Variants in CSMD3 observed in about 807,000 individuals in gnomAD.
CSMD3 encodes CUB and sushi domain-containing protein 3.
Under a neutral mutation model 435.2 loss-of-function variants are expected in CSMD3, and 177 were observed. The observed-to-expected ratio is 0.41, with a 90% CI of 0.36 to 0.46. CSMD3 has a LOEUF of 0.46. CSMD3 is among the 20% of genes least tolerant of loss of function. The probability of loss-of-function intolerance (pLI) is 0.34; values close to 1 mark genes in which losing one functional copy is unlikely to be tolerated. For synonymous variants in CSMD3, 1,656 were observed against 1,520.5 expected (o/e 1.09, Z -2.07); for missense variants, 4,265 against 4,504.6 (o/e 0.95, Z 1.52).
chr8:112,231,572 A>T lies in CSMD3; in HGVS notation c.10801T>A (p.Tyr3601Asn). The T allele has an allele frequency of 6.2e-7, 1 of 1,611,316 alleles. No individual in the cohort carries two copies. ...VFQGFIQGKDYGQFGLQRLGL... is the reference protein window; with the variant it reads ...VFQGFIQGKDNGQFGLQRLGL... ...AGTCTTTGTAGGCCAAATTGTCCATAATCTTTGCCTTGAATAAATCCTTGA... is the reference window on the plus strand; with the variant it reads ...AGTCTTTGTAGGCCAAATTGTCCATTATCTTTGCCTTGAATAAATCCTTGA... The change falls in exon 69 of 71, where the codon TAT becomes AAT. Residue 3601 changes from tyrosine to asparagine, a missense_variant. This residue lies in a region of CSMD3 where 3,255 missense variants were observed against 3,380.2 expected (regional missense o/e 0.96). Transcript: ENST00000297405.
At chr8:112,528,320 A>G (rs1167376535) in intron 27 of CSMD3, among the ~76,000 whole-genome samples, 2 of 152,168 alleles carry the variant, frequency 1.3e-5, no homozygotes, top group Non-Finnish European at 2.9e-5. Context: ...AAGTAATAAT[A>G]TCTTAAAATA....
chr8:112,490,813 G>A (rs1820614983), intron 31 of CSMD3, among the ~76,000 whole-genome samples: 1 of 151,784 alleles, frequency 6.6e-6, no homozygotes, highest in African/African-American at 2.4e-5. Flanking sequence ...TAATTTATAT[G>A]GTTCTAAATT....
At chr8:112,684,627 A>T (rs1345645258) in intron 15 of CSMD3, among the ~76,000 whole-genome samples, 2 of 152,100 alleles carry the variant, frequency 1.3e-5, no homozygotes, top group African/African-American at 2.4e-5. Context: ...TAATCCACTA[A>T]GGTTTTTTTC....
chr8:112,860,423 T>A (rs1162636396), intron 10 of CSMD3, among the ~76,000 whole-genome samples: 3 of 151,766 alleles, frequency 2.0e-5, no homozygotes, highest in Non-Finnish European at 4.4e-5. Context: ...AAATAATAAA[T>A]TGTATTTTTC....
chr8:112,854,853 C>T (rs1044886591), intron 11 of CSMD3, among the ~76,000 whole-genome samples: 2 of 152,120 alleles, frequency 1.3e-5, no homozygotes, highest in Admixed American at 6.6e-5. Context: ...CATTTATTCT[C>T]TTCAATATCC....
chr8:113,015,245 T>A (rs756395030), intron 6 of CSMD3, among the ~76,000 whole-genome samples: 1 of 152,216 alleles, frequency 6.6e-6, no homozygotes. Context: ...GTCCAATAAA[T>A]ATGCTTTTCT....
intron 69 of CSMD3, among the ~76,000 whole-genome samples, chr8:112,229,953 T>C (rs773071879): frequency 4.0e-5 from 6 of 150,992 alleles, no homozygotes; most frequent in South Asian, 2.1e-4. Flanking sequence ...GGACAATAGA[T>C]TTGAGGAAGA....
intron 59 of CSMD3, among the ~76,000 whole-genome samples, chr8:112,276,752 C>A (rs1211475740): frequency 6.6e-6 from 1 of 152,194 alleles, no homozygotes; most frequent in Admixed American, 6.5e-5. Flanking sequence ...CATGTCCATA[C>A]ATCATTTGAA....
intron 5 of CSMD3, among the ~76,000 whole-genome samples, chr8:113,061,156 C>T (rs1197490184): frequency 6.6e-6 from 1 of 152,066 alleles, no homozygotes; most frequent in African/African-American, 2.4e-5. Context: ...TCCACTCCTT[C>T]TCAGATCTTT....
chr8:112,639,637 G>A (rs1586863274), intron 20 of CSMD3, among the ~76,000 whole-genome samples: 2 of 152,164 alleles, frequency 1.3e-5, no homozygotes, highest in Admixed American at 1.3e-4. Context: ...AACTAATGTT[G>A]CTGCTTTGTA....
intron 13 of CSMD3, among the ~76,000 whole-genome samples, chr8:112,758,388 T>C (rs896518351): frequency 6.6e-6 from 1 of 152,018 alleles, no homozygotes; most frequent in Non-Finnish European, 1.5e-5. Flanking sequence ...AAAATATGAT[T>C]TTTAAAGTGC....
intron 22 of CSMD3, among the ~76,000 whole-genome samples, chr8:112,619,306 C>A (rs1322076734): frequency 6.6e-6 from 1 of 151,720 alleles, no homozygotes; most frequent in African/African-American, 2.4e-5. Flanking sequence ...TACTGTACCT[C>A]TCCTGTTGCA....
chr8:113,140,565 T>C (rs1222664509), intron 4 of CSMD3, among the ~76,000 whole-genome samples: 1 of 151,020 alleles, frequency 6.6e-6, no homozygotes, highest in Admixed American at 6.6e-5. Flanking sequence ...AATTTATCTG[T>C]AACTACAAAA....
chr8:112,920,257 T>C (rs937355480), intron 10 of CSMD3, among the ~76,000 whole-genome samples: 6 of 151,776 alleles, frequency 4.0e-5, no homozygotes, highest in Non-Finnish European at 8.8e-5. Flanking sequence ...AACAGTTAAA[T>C]TGACACAACA....
chr8:112,442,047 C>T (rs188302094), intron 32 of CSMD3, among the ~76,000 whole-genome samples: 2 of 152,226 alleles, frequency 1.3e-5, no homozygotes, highest in Admixed American at 1.3e-4. Flanking sequence ...TTATTTGGCT[C>T]ATGGATCTGT....
chr8:112,224,150 G>A lies in CSMD3; in HGVS notation c.*621C>T, dbSNP rs1812372598. Reference sequence around the variant, plus strand: ...TATGACAACCAGTCTAAAAGAAGAAGAGCAATATGATGCTAAAGAAATAGA... The same window carrying A: ...TATGACAACCAGTCTAAAAGAAGAAAAGCAATATGATGCTAAAGAAATAGA... On this transcript the variant is annotated 3_prime_UTR_variant, in exon 71 of 71. Transcript: ENST00000297405. 1 of 154,778 alleles carries A rather than the reference G, an allele frequency of 6.5e-6. No homozygotes were observed. Among genetic ancestry groups the A allele is most frequent in the South Asian group, 2.0e-4 (1 of 5,048 alleles). 9.6% of individuals were successfully genotyped at this position (154,778 alleles called of 1,614,324 possible). A position where few individuals can be genotyped will look rare whatever the true frequency, so the allele number is the denominator to read the frequency against.
rs373101741 is a variant in CSMD3, at chr8:112,337,611, C to T, written c.6773G>A (p.Gly2258Glu). Residue 2258 changes from glycine to glutamate, a missense_variant, in exon 43 of 71, where the codon GGA becomes GAA. Around this residue, in one of 3 missense-constraint regions of CSMD3, gnomAD observed 3,255 missense variants for 3,380.2 expected, o/e 0.96. Transcript: ENST00000297405. ...GTGAAGGCATGTGAGAGCTGAATTT[C>T]CAATTAATGTGTATCCTGGGAAACA... Reference protein sequence around the residue: ...FECFPGYTLIGNSALTCLHGV... With the variant: ...FECFPGYTLIENSALTCLHGV... 2.8e-5 allele frequency: 45 copies of T among 1,613,638 alleles called. No individual in the cohort carries two copies. Among genetic ancestry groups the T allele is most frequent in the Non-Finnish European group, 3.8e-5 (45 of 1,179,712 alleles).
intron 18 of CSMD3, among the ~76,000 whole-genome samples, chr8:112,655,494 G>A (rs1454551141): frequency 6.6e-6 from 1 of 151,634 alleles, no homozygotes; most frequent in Non-Finnish European, 1.5e-5. Flanking sequence ...TGGAAAAAAA[G>A]CCCATTTCTG....
rs1047446386 is a variant in CSMD3, at chr8:112,443,734, G to A, written c.5395+28857C>T. Among the ~76,000 whole-genome samples, 4 of 152,164 alleles carry A rather than the reference G, an allele frequency of 2.6e-5. No homozygotes were observed. The East Asian group carries it at 7.7e-4, about 29-fold the overall frequency. ...TTCATTGAGAATGAGCTTCATTAAG[G>A]ACAGGTAATATCTGGCTTAATAATT... is the stretch of plus-strand genomic sequence containing the variant. On this transcript the variant is annotated intron_variant, in intron 32 of 70. Coordinates refer to ENST00000297405, the MANE Select transcript of CSMD3 (RefSeq NM_198123.2).
Sources: allele counts gnomAD v4.1 joint callset (sites outside exome capture counted in the v4.1 genomes callset), GRCh38; gene constraint gnomAD v4.1.1; regional missense constraint gnomAD v4.1.1; transcripts MANE v1.5; gene names NCBI Gene and HGNC (gene_info 2026-07-23, HGNC 2026-07-21).